NFIB: variants seen among roughly 807,000 people sequenced by gnomAD.
The protein encoded by NFIB is nuclear factor 1 B-type.
In NFIB, 11 loss-of-function variants were observed where a neutral mutation model predicts 61.5. That is an observed-to-expected ratio of 0.18 (90% confidence interval 0.11 to 0.30). NFIB has a LOEUF of 0.30. Ranked by LOEUF, NFIB falls within the 10% of genes least tolerant of loss-of-function variation. NFIB has a pLI of 1.00. For synonymous variants in NFIB, 260 were observed against 216.5 expected (o/e 1.20, Z -1.76); for missense variants, 471 against 608.9 (o/e 0.77, Z 2.38).
At chr9:14,449,443 G>A in the NFIB span, among the ~76,000 whole-genome samples, 1 of 152,096 alleles carries the variant, frequency 6.6e-6, no homozygotes, top group Non-Finnish European at 1.5e-5. Flanking sequence ...GCAAAGTTGA[G>A]GATCACTGGC....
At chr9:14,459,176 C>T in the NFIB span, among the ~76,000 whole-genome samples, 3 of 152,044 alleles carry the variant, frequency 2.0e-5, no homozygotes, top group South Asian at 2.1e-4. Flanking sequence ...GAGATATAGA[C>T]CAATGGAACA....
At chr9:14,304,756 G>A (rs1052840557) in intron 2 of NFIB, among the ~76,000 whole-genome samples, 5 of 152,104 alleles carry the variant, frequency 3.3e-5, no homozygotes, top group African/African-American at 7.2e-5. Flanking sequence ...GTCATCACTC[G>A]CGATATGCAG....
chr9:14,216,033 C>T (rs1163373913), intron 2 of NFIB, among the ~76,000 whole-genome samples: 2 of 152,034 alleles, frequency 1.3e-5, no homozygotes, highest in Non-Finnish European at 1.5e-5. Flanking sequence ...GACGATAAAG[C>T]TGGTATATTT....
chr9:14,509,525 C>A, the NFIB span, among the ~76,000 whole-genome samples: 1 of 152,180 alleles, frequency 6.6e-6, no homozygotes, highest in Non-Finnish European at 1.5e-5. Context: ...TTATCAACAT[C>A]ATACTACTAT....
chr9:14,522,300 A>G, the NFIB span, among the ~76,000 whole-genome samples: 4 of 151,222 alleles, frequency 2.6e-5, no homozygotes, highest in African/African-American at 9.7e-5. Context: ...TTATGTGTGT[A>G]AACTAATTGA....
intron 3 of NFIB, among the ~76,000 whole-genome samples, chr9:14,161,578 T>C (rs554650679): frequency 1.9e-4 from 29 of 152,116 alleles, no homozygotes; most frequent in African/African-American, 6.0e-4. Flanking sequence ...CCTATTAACA[T>C]TGTATCTGTC....
chr9:14,087,703 A>AT lies in NFIB; in HGVS notation c.*605dup, dbSNP rs993280619. 5 of 216,798 alleles carry AT rather than the reference A, an allele frequency of 2.3e-5. No individual in the cohort carries two copies. The highest frequency in any genetic ancestry group is 3.7e-5 in the Non-Finnish European group (4 of 107,554). The allele number at this position is 216,798 out of a possible 1,614,324, so 13.4% of individuals were successfully genotyped here. Reference sequence around the variant, plus strand: ...ACTAAAGGCTACAGAGATTTCATATATTTTTTTTAACTTTTAGAAATCAGA... The same window carrying AT: ...ACTAAAGGCTACAGAGATTTCATATATTTTTTTTTAACTTTTAGAAATCAGA... On this transcript the variant is annotated 3_prime_UTR_variant, in exon 11 of 11. Coordinates refer to ENST00000380953, the MANE Select transcript of NFIB (RefSeq NM_001190737.2).
At chr9:14,380,977 T>C (rs1564045415) in intron 1 of NFIB, among the ~76,000 whole-genome samples, 1 of 150,300 alleles carries the variant, frequency 6.7e-6, no homozygotes, top group Non-Finnish European at 1.5e-5. Flanking sequence ...CCTCCTTCAT[T>C]GTTCATCTGA....
intron 3 of NFIB, among the ~76,000 whole-genome samples, chr9:14,164,191 T>C (rs1417631483): frequency 6.6e-6 from 1 of 152,026 alleles, no homozygotes; most frequent in African/African-American, 2.4e-5. Context: ...ACCACTTCCA[T>C]GCCTGATTAA....
At chr9:14,152,110 C>T (rs2042931506) in intron 4 of NFIB, among the ~76,000 whole-genome samples, 1 of 152,040 alleles carries the variant, frequency 6.6e-6, no homozygotes, top group South Asian at 2.1e-4. Context: ...ACGGAATACA[C>T]AATGAACATC....
chr9:14,282,559 G>C (rs1200416111), intron 2 of NFIB, among the ~76,000 whole-genome samples: 2 of 152,222 alleles, frequency 1.3e-5, no homozygotes, highest in African/African-American at 2.4e-5. Flanking sequence ...GATAAACATA[G>C]TCTTTAGAGT....
chr9:14,163,479 A>ACAAATC (rs1470453327), intron 3 of NFIB, among the ~76,000 whole-genome samples: 1 of 152,004 alleles, frequency 6.6e-6, no homozygotes, highest in African/African-American at 2.4e-5. Flanking sequence ...GCAAATTCAA[A>ACAAATC]CAAAAAGGAA....
At chr9:14,457,183 G>A in the NFIB span, among the ~76,000 whole-genome samples, 1 of 152,162 alleles carries the variant, frequency 6.6e-6, no homozygotes, top group Non-Finnish European at 1.5e-5. Flanking sequence ...AACATATTAG[G>A]AGCTAATAAC....
intron 2 of NFIB, among the ~76,000 whole-genome samples, chr9:14,182,307 C>T (rs1228887636): frequency 6.6e-6 from 1 of 152,180 alleles, no homozygotes; most frequent in Non-Finnish European, 1.5e-5. Flanking sequence ...ATGACAGACT[C>T]CTTCATATGC....
Position 14,196,564 on chromosome 9 carries a change from A to G in NFIB, c.563-16784T>C, listed in dbSNP as rs150610022. On this transcript the variant is annotated intron_variant, in intron 2 of 10. Transcript: ENST00000380953. The stretch of plus-strand genomic sequence containing the variant: ...TATACCACCTTTAATCACAAATCAA[A>G]CAACAGTAATTAGGAGCATCAAGTT... Among the ~76,000 whole-genome samples, 157 of 152,256 alleles carry G rather than the reference A, an allele frequency of 1.0e-3. 1 individual carries two copies. The highest frequency in any genetic ancestry group is 3.5e-3 in the African/African-American group (147 of 41,552).
intron 3 of NFIB, among the ~76,000 whole-genome samples, chr9:14,165,175 T>G (rs1052955367): frequency 6.6e-6 from 1 of 152,154 alleles, no homozygotes; most frequent in African/African-American, 2.4e-5. Flanking sequence ...CAGCTGGATT[T>G]TATGTATCCT....
chr9:14,312,376 C>T (rs975476053), intron 1 of NFIB, among the ~76,000 whole-genome samples: 2 of 152,184 alleles, frequency 1.3e-5, no homozygotes, highest in Non-Finnish European at 2.9e-5. Flanking sequence ...CTTTATATGA[C>T]TAGTTTTCAT....
At chr9:14,470,070 T>C in the NFIB span, among the ~76,000 whole-genome samples, 1 of 152,230 alleles carries the variant, frequency 6.6e-6, no homozygotes, top group Non-Finnish European at 1.5e-5. Context: ...TTCAGCAAGC[T>C]AATTAACCTC....
At chr9:14,462,976 C>T in the NFIB span, among the ~76,000 whole-genome samples, 5 of 152,062 alleles carry the variant, frequency 3.3e-5, no homozygotes, top group African/African-American at 4.8e-5. Context: ...ATGTGCTTCA[C>T]GAATGTTACA....
Sources: gnomAD v4.1 joint callset for allele counts (sites outside exome capture counted in the v4.1 genomes callset) on GRCh38, gnomAD v4.1.1 for gene constraint, MANE v1.5 for transcripts, NCBI Gene and HGNC (gene_info 2026-07-23, HGNC 2026-07-21) for gene names.